Variants in HDAC9 observed in about 807,000 individuals in gnomAD.
The protein encoded by HDAC9 is histone deacetylase 9.
A neutral mutation model predicts 139.4 loss-of-function variants in HDAC9; 41 were observed. The observed-to-expected ratio is 0.29, with a 90% CI of 0.23 to 0.38. HDAC9 has a LOEUF of 0.38. HDAC9 is among the 10% of genes least tolerant of loss of function. HDAC9 has a pLI of 1.00. For missense variants in HDAC9, 1,147 were observed against 1,297.0 expected (o/e 0.88, Z 1.78); for synonymous variants, 517 against 476.2 (o/e 1.09, Z -1.12).
At chr7:18,655,152 A>G (rs1790693076) in intron 11 of HDAC9, among the ~76,000 whole-genome samples, 1 of 152,158 alleles carries the variant, frequency 6.6e-6, no homozygotes, top group Non-Finnish European at 1.5e-5. Context: ...ATGGATGAGT[A>G]GAAACTGGAA....
intron 22 of HDAC9, among the ~76,000 whole-genome samples, chr7:18,880,994 T>G (rs1042666342): frequency 6.6e-6 from 1 of 151,990 alleles, no homozygotes; most frequent in African/African-American, 2.4e-5. Context: ...TGGGGGAAGA[T>G]ACCTGTATAA....
At position 18,996,291 on chromosome 7, in the gene HDAC9, C is replaced by T. The variant is rs778638459; in HGVS notation, c.*229C>T. The T allele has an allele frequency of 8.9e-6, 4 of 448,558 alleles. No individual in the cohort carries two copies. The highest frequency in any genetic ancestry group is 2.0e-5 in the African/African-American group (1 of 50,160). The allele number at this position is 448,558 out of a possible 1,614,324, so 27.8% of individuals were successfully genotyped here. A position where few individuals can be genotyped will look rare whatever the true frequency, so the allele number is the denominator to read the frequency against. ...GCTGTGATTCTAGAGTTACAGTAAA[C>T]CACGATTGGAAGAAACTGCTTCCAG... On this transcript the variant is annotated 3_prime_UTR_variant, in exon 26 of 26. Coordinates refer to ENST00000686413, the MANE Select transcript of HDAC9 (RefSeq NM_178425.4).
intron 21 of HDAC9, among the ~76,000 whole-genome samples, chr7:18,852,663 A>G (rs575592366): frequency 2.6e-5 from 4 of 152,166 alleles, no homozygotes; most frequent in Non-Finnish European, 5.9e-5. Flanking sequence ...ACACTGCACC[A>G]TGGAATGAGC....
At chr7:18,922,331 A>G (rs1803829951) in intron 22 of HDAC9, among the ~76,000 whole-genome samples, 1 of 152,046 alleles carries the variant, frequency 6.6e-6, no homozygotes, top group South Asian at 2.1e-4. Context: ...ATATAATTAA[A>G]CCTATTATTT....
At chr7:18,870,095 G>A (rs1798800063) in intron 21 of HDAC9, among the ~76,000 whole-genome samples, 1 of 151,952 alleles carries the variant, frequency 6.6e-6, no homozygotes, top group Non-Finnish European at 1.5e-5. Context: ...ACGCCAACAC[G>A]CAGTGTACCC....
At chr7:18,196,223 A>C (rs1243834193) in intron 2 of HDAC9, among the ~76,000 whole-genome samples, 1 of 152,228 alleles carries the variant, frequency 6.6e-6, no homozygotes, top group Non-Finnish European at 1.5e-5. Flanking sequence ...CCAGTGGGGT[A>C]AGATTGGAGA....
chr7:18,570,768 A>C lies in HDAC9; in HGVS notation c.23-14513A>C, dbSNP rs149877901. Among the ~76,000 whole-genome samples the C allele has an allele frequency of 3.9e-5, 6 of 152,370 alleles. No homozygotes were observed. In the East Asian group the frequency reaches 1.2e-3, roughly 29 times the overall value. On this transcript the variant is annotated intron_variant, in intron 2 of 25. Coordinates refer to ENST00000686413, the MANE Select transcript of HDAC9 (RefSeq NM_178425.4). ...CAACCTCATAATGTTGTAAAGAACA[A>C]ATGAATGAATATTTACTTTATAAAG...
chr7:18,756,571 C>T (rs1002905923), intron 14 of HDAC9, among the ~76,000 whole-genome samples: 1 of 152,190 alleles, frequency 6.6e-6, no homozygotes, highest in African/African-American at 2.4e-5. Flanking sequence ...CAAAGCGAAG[C>T]GTGTTTTATT....
At chr7:18,363,550 C>T (rs1783944687) in intron 1 of HDAC9, among the ~76,000 whole-genome samples, 1 of 152,102 alleles carries the variant, frequency 6.6e-6, no homozygotes, top group Non-Finnish European at 1.5e-5. Flanking sequence ...GTAAATAAAT[C>T]AGTGGCATCT....
chr7:18,139,592 A>T (rs893382039), intron 1 of HDAC9, among the ~76,000 whole-genome samples: 6 of 152,166 alleles, frequency 3.9e-5, no homozygotes, highest in African/African-American at 1.4e-4. Context: ...TGTATGAGAC[A>T]CCTCTAGTAG....
At chr7:18,213,431 C>A (rs1792089591) in intron 2 of HDAC9, among the ~76,000 whole-genome samples, 1 of 152,102 alleles carries the variant, frequency 6.6e-6, no homozygotes, top group Admixed American at 6.6e-5. Flanking sequence ...ACTATAAACT[C>A]TGATAATAGT....
intron 1 of HDAC9, among the ~76,000 whole-genome samples, chr7:18,454,668 C>G (rs964764633): frequency 2.6e-5 from 4 of 151,980 alleles, no homozygotes; most frequent in Non-Finnish European, 5.9e-5. Flanking sequence ...CTGTGAACAG[C>G]AAGAAACTTT....
At chr7:18,407,246 CT>C (rs1331738242) in intron 1 of HDAC9, among the ~76,000 whole-genome samples, 2 of 152,126 alleles carry the variant, frequency 1.3e-5, no homozygotes, top group Non-Finnish European at 1.5e-5. Context: ...TGCTCTATAT[CT>C]AGAAAAACTC....
At chr7:18,327,659 A>C (rs1800566269) in intron 1 of HDAC9, 1 of 151,966 alleles carries the variant, frequency 6.6e-6, no homozygotes, top group Non-Finnish European at 1.5e-5. Flanking sequence ...GAAAAAGCTA[A>C]TTAAAACTAT....
chr7:18,284,322 T>G (rs1003449761), intron 2 of HDAC9, among the ~76,000 whole-genome samples: 27 of 152,204 alleles, frequency 1.8e-4, no homozygotes, highest in Admixed American at 1.6e-3. Flanking sequence ...AGGCAAATGA[T>G]GGTTACATGA....
intron 1 of HDAC9, among the ~76,000 whole-genome samples, chr7:18,416,396 T>G (rs1339652987): frequency 6.6e-6 from 1 of 152,198 alleles, no homozygotes; most frequent in Non-Finnish European, 1.5e-5. Context: ...CTTTGTCAGG[T>G]TTTGATTATT....
intron 2 of HDAC9, among the ~76,000 whole-genome samples, chr7:18,219,377 CTT>C (rs1444013452): frequency 6.6e-6 from 1 of 152,074 alleles, no homozygotes; most frequent in Non-Finnish European, 1.5e-5. Context: ...AATTGAATAA[CTT>C]AAGCACTTTC....
At chr7:18,634,866 G>C (rs2128991904) in intron 8 of HDAC9, 124 bp downstream of exon 8, 4 of 621,362 alleles carry the variant, frequency 6.4e-6, no homozygotes. Context: ...AGTTTACTCA[G>C]TTCCACATAT....
In HDAC9 at chr7:18,367,665, T is replaced by C. The variant is rs901534423; in HGVS notation, c.-42+77150T>C. On this transcript the variant is annotated intron_variant, in intron 1 of 3. Transcript: ENST00000413509. ...TCTGAACATGCTTGTGCATGTTTTC[T>C]GGTACATGTATGGGTATAAGGTATA... 3.3e-5 allele frequency among the ~76,000 whole-genome samples: 5 copies of C among 152,140 alleles called. No homozygotes were observed. The South Asian group carries it at 6.2e-4, about 19-fold the overall frequency.
Sources: gnomAD v4.1 joint callset for allele counts (sites outside exome capture counted in the v4.1 genomes callset) on GRCh38, gnomAD v4.1.1 for gene constraint, MANE v1.5 for transcripts, NCBI Gene and HGNC (gene_info 2026-07-23, HGNC 2026-07-21) for gene names.